The following GPR149 variants were observed in gnomAD, a reference collection of about 807,000 sequenced individuals.
GPR149 encodes probable G protein-coupled receptor 149.
Under a neutral mutation model 50.2 loss-of-function variants are expected in GPR149, and 50 were observed. The observed-to-expected ratio is 1.00, with a 90% confidence interval of 0.79 to 1.26. GPR149 has a LOEUF of 1.26. GPR149 is among the 50% of genes most tolerant of loss of function. The probability of loss-of-function intolerance (pLI) is 0.00; values close to 1 mark genes in which losing one functional copy is unlikely to be tolerated. For synonymous variants in GPR149, 405 were observed against 358.2 expected, an observed-to-expected ratio of 1.13 and a Z score of -1.48; for missense variants, 983 against 895.4, an observed-to-expected ratio of 1.10 and a Z score of -1.25.
rs143310107 is a variant in GPR149, at chr3:154,335,143, A to G, written c.*2556T>C. ...CAGATGGTGATATTTTTATTAGGTA[A>G]TAAGTTTTTGCCTTCAGATACATCA... On this transcript the variant is annotated 3_prime_UTR_variant, in exon 4 of 4. Transcript: ENST00000389740. 1.2e-4 allele frequency: 18 copies of G among 152,228 alleles called. No homozygotes were observed. The highest frequency in any genetic ancestry group is 1.8e-4 in the Non-Finnish European group (12 of 67,998). The allele number at this position is 152,228 out of a possible 1,614,324, so 9.4% of individuals were successfully genotyped here. A position where few individuals can be genotyped will look rare whatever the true frequency, so the allele number is the denominator to read the frequency against.
At chr3:154,414,311 A>G (rs891248751) in intron 3 of GPR149, among the ~76,000 whole-genome samples, 4 of 151,992 alleles carry the variant, frequency 2.6e-5, no homozygotes, top group African/African-American at 9.7e-5. Context: ...CTATTGAAAT[A>G]AAAAAACAAA....
intron 3 of GPR149, chr3:154,353,984 G>C: frequency 2.1e-6 from 1 of 473,674 alleles, no homozygotes; most frequent in Non-Finnish European, 4.0e-6. Context: ...TTTATGAGTA[G>C]AACTATCTAA....
At chr3:154,357,466 G>T (rs1559973126) in intron 3 of GPR149, among the ~76,000 whole-genome samples, 2 of 151,902 alleles carry the variant, frequency 1.3e-5, no homozygotes, top group Non-Finnish European at 2.9e-5. Flanking sequence ...AATCTACAAT[G>T]AACTCAAACA....
At chr3:154,414,734 T>C (rs1444864097) in intron 3 of GPR149, among the ~76,000 whole-genome samples, 1 of 152,002 alleles carries the variant, frequency 6.6e-6, no homozygotes, top group African/African-American at 2.4e-5. Flanking sequence ...TCTTTAATTC[T>C]GTCAATTGAA....
At chr3:154,367,125 C>T (rs1176957803) in intron 3 of GPR149, among the ~76,000 whole-genome samples, 1 of 152,152 alleles carries the variant, frequency 6.6e-6, no homozygotes, top group Admixed American at 6.5e-5. Flanking sequence ...TCCAGCTGAG[C>T]TTCCTGGGTC....
intron 3 of GPR149, among the ~76,000 whole-genome samples, chr3:154,361,894 C>T (rs774938043): frequency 6.6e-6 from 1 of 152,134 alleles, no homozygotes; most frequent in Non-Finnish European, 1.5e-5. Context: ...CATACAAATA[C>T]AAGCAGAGCT....
At chr3:154,401,891 A>G (rs1478344760) in intron 3 of GPR149, among the ~76,000 whole-genome samples, 1 of 152,206 alleles carries the variant, frequency 6.6e-6, no homozygotes, top group African/African-American at 2.4e-5. Context: ...TACTAAAGCA[A>G]CAAAGTAGGT....
Position 154,337,603 on chromosome 3 carries a change from G to T in GPR149, c.*96C>A. ...TATTAAATCAGTAAAACTAATGTAA[G>T]CCAACAAATAAAAGGAAATCAGTCT... is the stretch of plus-strand genomic sequence containing the variant. On this transcript the variant is annotated 3_prime_UTR_variant, in exon 4 of 4. Coordinates refer to ENST00000389740, the MANE Select transcript of GPR149 (RefSeq NM_001038705.3). 3 of 1,010,772 alleles carry T rather than the reference G, an allele frequency of 3.0e-6. No homozygotes were observed. Among genetic ancestry groups the T allele is most frequent in the African/African-American group, 1.6e-5 (1 of 62,466 alleles). 62.6% of individuals were successfully genotyped at this position (1,010,772 alleles called of 1,614,324 possible). A position where few individuals can be genotyped will look rare whatever the true frequency, so the allele number is the denominator to read the frequency against.
intron 3 of GPR149, among the ~76,000 whole-genome samples, chr3:154,414,137 C>T (rs1280655688): frequency 6.6e-6 from 1 of 151,768 alleles, no homozygotes; most frequent in Non-Finnish European, 1.5e-5. Flanking sequence ...AAGAATGATA[C>T]ATTGGACTTT....
intron 3 of GPR149, among the ~76,000 whole-genome samples, chr3:154,350,851 G>A (rs931451238): frequency 1.3e-5 from 2 of 152,134 alleles, no homozygotes; most frequent in Non-Finnish European, 2.9e-5. Context: ...GGCATAGTAT[G>A]TGTATATAAT....
intron 3 of GPR149, among the ~76,000 whole-genome samples, chr3:154,366,508 C>A (rs1714536366): frequency 6.6e-6 from 1 of 152,202 alleles, no homozygotes; most frequent in African/African-American, 2.4e-5. Flanking sequence ...GAGTCTAACA[C>A]CTTTTAAGGT....
chr3:154,381,005 G>C (rs993669343), intron 3 of GPR149, among the ~76,000 whole-genome samples: 2 of 152,084 alleles, frequency 1.3e-5, no homozygotes, highest in African/African-American at 4.8e-5. Flanking sequence ...AAAATACAAA[G>C]ATCAGGTCTC....
chr3:154,372,894 G>T (rs1714697109), intron 3 of GPR149, among the ~76,000 whole-genome samples: 1 of 152,098 alleles, frequency 6.6e-6, no homozygotes, highest in African/African-American at 2.4e-5. Flanking sequence ...AAGCAAGTTT[G>T]GGAGGATGGG....
At chr3:154,366,953 A>G (rs1559976027) in intron 3 of GPR149, among the ~76,000 whole-genome samples, 1 of 152,164 alleles carries the variant, frequency 6.6e-6, no homozygotes, top group Non-Finnish European at 1.5e-5. Context: ...ATTGTCAACA[A>G]ATTTCCATCT....
intron 2 of GPR149, among the ~76,000 whole-genome samples, chr3:154,424,149 T>A (rs1411544134): frequency 2.0e-5 from 3 of 151,894 alleles, no homozygotes; most frequent in African/African-American, 4.8e-5. Context: ...TCTTAAAATT[T>A]CGGTCCATAA....
chr3:154,356,804 C>T (rs1178641824), intron 3 of GPR149, among the ~76,000 whole-genome samples: 3 of 152,132 alleles, frequency 2.0e-5, no homozygotes, highest in African/African-American at 2.4e-5. Context: ...CTACCAATGA[C>T]TTTCTTCACA....
chr3:154,413,788 C>A (rs1711908539), intron 3 of GPR149, among the ~76,000 whole-genome samples: 1 of 151,818 alleles, frequency 6.6e-6, no homozygotes, highest in South Asian at 2.1e-4. Context: ...TTTGATCCAG[C>A]AATCTCACTA....
intron 3 of GPR149, among the ~76,000 whole-genome samples, chr3:154,371,658 G>A (rs1193180588): frequency 1.3e-5 from 2 of 152,124 alleles, no homozygotes; most frequent in Non-Finnish European, 2.9e-5. Flanking sequence ...AAAAAAGGAG[G>A]AACTTGCCTC....
chr3:154,426,218 AT>A (rs775152051), intron 2 of GPR149, among the ~76,000 whole-genome samples: 13 of 152,212 alleles, frequency 8.5e-5, no homozygotes, highest in Non-Finnish European at 1.6e-4. Flanking sequence ...AGACAAATGC[AT>A]CTGCCATCTA....
Sources: allele counts gnomAD v4.1 joint callset (sites outside exome capture counted in the v4.1 genomes callset), GRCh38; gene constraint gnomAD v4.1.1; transcripts MANE v1.5; gene names NCBI Gene and HGNC (gene_info 2026-07-23, HGNC 2026-07-21).